Variants in SIM2 observed in about 807,000 individuals in gnomAD.
SIM2 encodes SIM bHLH transcription factor 2.
A neutral mutation model predicts 64.8 loss-of-function variants in SIM2; 28 were observed. The observed-to-expected ratio is 0.43, with a 90% CI of 0.32 to 0.59. The LOEUF (loss-of-function observed/expected upper bound fraction) is 0.59, where lower values mean the gene tolerates loss of function less well. SIM2 is among the 20% of genes least tolerant of loss of function. SIM2 has a pLI of 0.07. For missense variants in SIM2, 847 were observed against 871.4 expected (o/e 0.97, Z 0.35); for synonymous variants, 408 against 391.1 (o/e 1.04, Z -0.51).
chr21:36,700,852 T>C (rs544901748), intron 1 of SIM2, among the ~76,000 whole-genome samples: 1 of 152,210 alleles, frequency 6.6e-6, no homozygotes, highest in South Asian at 2.1e-4. Context: ...GGATTGAAAA[T>C]GTGCCAGTGG....
At chr21:36,736,711 ACTTCCTTCC>A (rs1190611103) in intron 7 of SIM2, among the ~76,000 whole-genome samples, 2 of 141,556 alleles carry the variant, frequency 1.4e-5, no homozygotes, top group Non-Finnish European at 1.5e-5. Flanking sequence ...CCCAGAACTA[ACTTCCTTCC>A]CTTCCTTCCC....
intron 7 of SIM2, among the ~76,000 whole-genome samples, chr21:36,736,383 G>GT (rs1306267652): frequency 6.6e-6 from 1 of 152,216 alleles, no homozygotes; most frequent in Non-Finnish European, 1.5e-5. Flanking sequence ...CTGATTGGAG[G>GT]TAAGAGGTGG....
intron 9 of SIM2, among the ~76,000 whole-genome samples, chr21:36,744,485 A>T (rs1031384583): frequency 4.6e-5 from 7 of 152,004 alleles, no homozygotes; most frequent in African/African-American, 1.7e-4. Context: ...AGAAAGAAAG[A>T]AAGAGTCCAT....
At chr21:36,718,273 A>T (rs762001620) in intron 3 of SIM2, among the ~76,000 whole-genome samples, 1 of 152,216 alleles carries the variant, frequency 6.6e-6, no homozygotes, top group Non-Finnish European at 1.5e-5. Context: ...CTTGGTCCCA[A>T]GTAAAAGCTG....
At chr21:36,720,253 CAAGCT>C in intron 4 of SIM2, 1 of 268,396 alleles carries the variant, frequency 3.7e-6, no homozygotes, top group Non-Finnish European at 7.2e-6. Context: ...GGGTCTAGAC[CAAGCT>C]TCTCCTTAAC....
At position 36,748,230 on chromosome 21, in the gene SIM2, A is replaced by G. The variant is rs541077731; in HGVS notation, c.*138A>G. 115 of 435,982 alleles carry G rather than the reference A, an allele frequency of 2.6e-4. No individual in the cohort carries two copies. The highest frequency in any genetic ancestry group is 2.3e-3 in the African/African-American group (107 of 46,526). The allele number at this position is 435,982 out of a possible 1,614,324, so 27.0% of individuals were successfully genotyped here. ...ATTGGACCCCGCCGCCGACTTGCGG[A>G]TTTCCACCGCGGAGGCCCCGCGCGC... is the stretch of plus-strand genomic sequence containing the variant. On this transcript the variant is annotated 3_prime_UTR_variant, in exon 11 of 11. Transcript: ENST00000290399.
In SIM2 at chr21:36,703,674, T is replaced by C. The variant is rs143791377; in HGVS notation, c.175+3753T>C. Among the ~76,000 whole-genome samples, 804 of 152,352 alleles carry C rather than the reference T, an allele frequency of 5.3e-3. 5 individuals are homozygous for C. The highest frequency in any genetic ancestry group is 8.2e-3 in the Admixed American group (125 of 15,310). On this transcript the variant is annotated intron_variant, in intron 1 of 10. Transcript: ENST00000290399. ...ACTTTGGACATGGGCTCGAAATTGA[T>C]AACTTGATGAGTCTTGGAGGGTGGT...
rs2088452977 is a variant in SIM2 at position 36,699,557 on chromosome 21, G to A, written c.-190G>A. 4.5e-6 allele frequency: 2 copies of A among 449,172 alleles called. No individual in the cohort carries two copies. The highest frequency in any genetic ancestry group is 7.6e-6 in the Non-Finnish European group (2 of 263,606). 27.8% of individuals were successfully genotyped at this position (449,172 alleles called of 1,614,324 possible). On this transcript the variant is annotated 5_prime_UTR_variant, in exon 1 of 11. Coordinates refer to ENST00000290399, the MANE Select transcript of SIM2 (RefSeq NM_005069.6). This position sits in a 1 kb window ranked among gnomAD's most constrained non-coding sequence, Gnocchi z 5.6. The stretch of plus-strand genomic sequence containing the variant: ...GGCGGGCGGCGCCGCCGGGTTGCTC[G>A]GAGCTCAGGCCCGGCGGCTGCGGGG...
At chr21:36,703,463 T>C (rs1246472819) in intron 1 of SIM2, among the ~76,000 whole-genome samples, 1 of 152,194 alleles carries the variant, frequency 6.6e-6, no homozygotes, top group Non-Finnish European at 1.5e-5. Context: ...CCTATGCCAT[T>C]CACCCCTTCC....
intron 7 of SIM2, among the ~76,000 whole-genome samples, chr21:36,733,200 C>T (rs1420696715): frequency 6.6e-6 from 1 of 152,074 alleles, no homozygotes; most frequent in Non-Finnish European, 1.5e-5. Flanking sequence ...CCTCTAAGCA[C>T]AGAGACAAAA....
intron 7 of SIM2, among the ~76,000 whole-genome samples, chr21:36,738,143 A>C (rs1424731669): frequency 1.1e-4 from 17 of 151,910 alleles, no homozygotes; most frequent in East Asian, 9.7e-4. Flanking sequence ...GACCATAAAC[A>C]AATTGGCCAA....
Position 36,742,479 on chromosome 21 carries a change from A to G in SIM2, c.998+615A>G, listed in dbSNP as rs1009196788. ...CTATGTTGCCCAGGAGCTGGTCTCG[A>G]ACTCCTGGCTTCAAGTGATCCTCCC... On this transcript the variant is annotated intron_variant, in intron 8 of 10. Coordinates refer to ENST00000290399, the MANE Select transcript of SIM2 (RefSeq NM_005069.6). Among the ~76,000 whole-genome samples, 3 of 150,818 alleles carry G rather than the reference A, an allele frequency of 2.0e-5. 1 individual carries two copies. In the South Asian group the frequency reaches 6.3e-4, roughly 32 times the overall value.
intron 3 of SIM2, among the ~76,000 whole-genome samples, chr21:36,719,416 A>T (rs1443233267): frequency 6.6e-6 from 1 of 152,220 alleles, no homozygotes; most frequent in Non-Finnish European, 1.5e-5. Flanking sequence ...CCTTCTGGCC[A>T]CCCAGTCCCC....
chr21:36,700,025 G>A, intron 1 of SIM2, 104 bp downstream of exon 1: 1 of 1,232,040 alleles, frequency 8.1e-7, no homozygotes, highest in Non-Finnish European at 1.1e-6. Flanking sequence ...GCGGCCTGGC[G>A]TCCAGAGCTG....
At position 36,738,318 on chromosome 21, in the gene SIM2, A is replaced by C. The variant is rs374347948; in HGVS notation, c.851-3399A>C. ...TCAGGAGTTAGAGACCAGCCTGGCC[A>C]ACATAGTGAAACCCCGTCTCTACTA... On this transcript the variant is annotated intron_variant, in intron 7 of 10. Transcript: ENST00000290399. Among the ~76,000 whole-genome samples, 13 of 152,282 alleles carry C rather than the reference A, an allele frequency of 8.5e-5. 2 individuals are homozygous for C. Among genetic ancestry groups the C allele is most frequent in the Admixed American group, 5.2e-4 (8 of 15,300 alleles).
At chr21:36,719,337 G>A (rs1335305994) in intron 3 of SIM2, among the ~76,000 whole-genome samples, 2 of 152,286 alleles carry the variant, frequency 1.3e-5, no homozygotes, top group South Asian at 2.1e-4. Flanking sequence ...CGCCCCTGCC[G>A]TGGACGGCTG....
At chr21:36,735,843 T>C (rs1044672005) in intron 7 of SIM2, among the ~76,000 whole-genome samples, 5 of 152,000 alleles carry the variant, frequency 3.3e-5, no homozygotes, top group African/African-American at 7.2e-5. Flanking sequence ...GCTGAGAAGG[T>C]GGGAGGCCCC....
Position 36,740,982 on chromosome 21 carries a change from C to T in SIM2, c.851-735C>T, listed in dbSNP as rs144034308. Among the ~76,000 whole-genome samples the T allele has an allele frequency of 5.3e-3, 802 of 152,328 alleles. 8 individuals are homozygous for T. Among genetic ancestry groups the T allele is most frequent in the African/African-American group, 0.018 (751 of 41,566 alleles). The stretch of plus-strand genomic sequence containing the variant: ...TGCGGGTTCTGGCACTTTCCTCCCC[C>T]ACCTGCCTCCTGGAAGGCGGTGAGG... On this transcript the variant is annotated intron_variant, in intron 7 of 10. Coordinates refer to ENST00000290399, the MANE Select transcript of SIM2 (RefSeq NM_005069.6).
chr21:36,706,649 C>T (rs529636727), intron 1 of SIM2, among the ~76,000 whole-genome samples: 2 of 152,290 alleles, frequency 1.3e-5, no homozygotes, highest in South Asian at 4.1e-4. Context: ...TGCGTTTAGA[C>T]CAAAGTAGAT....
Sources: gnomAD v4.1 joint callset for allele counts (sites outside exome capture counted in the v4.1 genomes callset) on GRCh38, gnomAD v4.1.1 for gene constraint, Gnocchi (gnomAD v3.1) non-coding constraint, MANE v1.5 for transcripts, NCBI Gene and HGNC (gene_info 2026-07-23, HGNC 2026-07-21) for gene names.